Variants in PPP4R3A observed in about 807,000 individuals in gnomAD.
The protein encoded by PPP4R3A is serine/threonine-protein phosphatase 4 regulatory subunit 3A.
A neutral mutation model predicts 91.7 loss-of-function variants in PPP4R3A; 15 were observed. The observed-to-expected ratio is 0.16, with a 90% CI of 0.11 to 0.25. The LOEUF is 0.25. Among genes scored for constraint, PPP4R3A ranks in the 10% least tolerant of loss-of-function variants. PPP4R3A has a pLI of 1.00. For synonymous variants in PPP4R3A, 377 were observed against 348.7 expected (o/e 1.08, Z -0.91); for missense variants, 623 against 998.4 (o/e 0.62, Z 5.07).
intron 9 of PPP4R3A, 43 bp from the exon 10 acceptor site, chr14:91,471,038 A>G (rs113099096): frequency 2.1e-5 from 32 of 1,524,874 alleles, no homozygotes; most frequent in Admixed American, 7.3e-5. Context: ...AATGACTAAC[A>G]TTTTTCCTTC....
intron 14 of PPP4R3A, among the ~76,000 whole-genome samples, chr14:91,460,206 G>T (rs1888039788): frequency 6.6e-6 from 1 of 152,000 alleles, no homozygotes; most frequent in Admixed American, 6.5e-5. Flanking sequence ...TAGAGACGGG[G>T]TTTCACCGTA....
At chr14:91,490,657 C>A in intron 2 of PPP4R3A, 90 bp downstream of exon 2, 1 of 1,030,478 alleles carries the variant, frequency 9.7e-7, no homozygotes, top group Non-Finnish European at 1.5e-6. Context: ...GTAATCTCTT[C>A]TAAATTTTTC....
chr14:91,459,735 T>G (rs71428759), intron 14 of PPP4R3A, among the ~76,000 whole-genome samples: 2,727 of 151,696 alleles, frequency 0.018, 29 homozygotes, highest in Non-Finnish European at 0.025. Context: ...CTTGGGAGGC[T>G]GAGGCACAAG....
chr14:91,493,358 G>A lies in PPP4R3A; in HGVS notation c.143-2556C>T, dbSNP rs191469467. Among the ~76,000 whole-genome samples, 958 of 150,788 alleles carry A rather than the reference G, an allele frequency of 6.4e-3. 15 individuals are homozygous for A. Among genetic ancestry groups the A allele is most frequent in the Non-Finnish European group, 9.2e-3 (628 of 67,988 alleles). On this transcript the variant is annotated intron_variant, in intron 1 of 14. Coordinates refer to ENST00000554943, the MANE Select transcript of PPP4R3A (RefSeq NM_001366432.2). ...AAGAAAAAATAAATTAGCTGGATGA[G>A]GTAGGGCATGCCTATAATTCTAGCT...
At chr14:91,464,875 T>C (rs1251478671) in intron 11 of PPP4R3A, among the ~76,000 whole-genome samples, 1 of 152,168 alleles carries the variant, frequency 6.6e-6, no homozygotes, top group Non-Finnish European at 1.5e-5. Context: ...CAGGATGAAA[T>C]TGTTCCACCT....
intron 3 of PPP4R3A, among the ~76,000 whole-genome samples, chr14:91,482,962 C>T (rs774260187): frequency 5.3e-5 from 8 of 152,278 alleles, no homozygotes; most frequent in Admixed American, 2.6e-4. Flanking sequence ...AACCAAACCA[C>T]GAAAATATTT....
intron 4 of PPP4R3A, among the ~76,000 whole-genome samples, chr14:91,480,116 T>TA (rs1232856744): frequency 6.6e-6 from 1 of 152,020 alleles, no homozygotes; most frequent in Non-Finnish European, 1.5e-5. Context: ...GCAAATACCC[T>TA]AAAACACCAG....
At chr14:91,470,611 G>C (rs1888773942) in intron 10 of PPP4R3A, among the ~76,000 whole-genome samples, 1 of 152,102 alleles carries the variant, frequency 6.6e-6, no homozygotes. Flanking sequence ...TTTAGTAATG[G>C]AATATAACAC....
intron 7 of PPP4R3A, among the ~76,000 whole-genome samples, chr14:91,473,688 G>GC (rs1273554560): frequency 1.9e-4 from 29 of 152,224 alleles, no homozygotes; most frequent in African/African-American, 6.8e-4. Context: ...TTTGAAGAAA[G>GC]CCAGTGGGTT....
chr14:91,490,900 A>AT (rs36126220), intron 1 of PPP4R3A, 98 bp from the exon 2 acceptor site: 12,205 of 278,150 alleles, frequency 0.044, 15 homozygotes, highest in Middle Eastern at 0.068. Context: ...AATAATAATA[A>AT]TTTTTTTTTT....
At chr14:91,472,550 G>A (rs1019924187) in intron 9 of PPP4R3A, among the ~76,000 whole-genome samples, 1 of 147,576 alleles carries the variant, frequency 6.8e-6, no homozygotes, top group East Asian at 2.0e-4. Flanking sequence ...TGCAAGCTCC[G>A]CCTCCTGGGT....
chr14:91,483,064 C>G (rs900497427), intron 3 of PPP4R3A, among the ~76,000 whole-genome samples: 2 of 152,122 alleles, frequency 1.3e-5, no homozygotes, highest in Non-Finnish European at 2.9e-5. Flanking sequence ...ACTGGAGGGG[C>G]TCTTATTATA....
rs1303454689 is a variant in PPP4R3A at position 91,457,728 on chromosome 14, T to C, written c.*1031A>G. ...CCCCAAGAAAAGAAATTTCAGAATC[T>C]CTTTGGAATACTAATTTCATGTTTC... On this transcript the variant is annotated 3_prime_UTR_variant, in exon 15 of 15. Coordinates refer to ENST00000554943, the MANE Select transcript of PPP4R3A (RefSeq NM_001366432.2). 6.6e-6 allele frequency: 1 copy of C among 152,646 alleles called. No homozygotes were observed. Among genetic ancestry groups the C allele is most frequent in the Non-Finnish European group, 1.5e-5 (1 of 68,034 alleles). The allele number at this position is 152,646 out of a possible 1,614,324, so 9.5% of individuals were successfully genotyped here.
rs866823794 is a variant in PPP4R3A, at chr14:91,507,459, A to G, written c.142+2047T>C. On this transcript the variant is annotated intron_variant, in intron 1 of 14. Coordinates refer to ENST00000554943, the MANE Select transcript of PPP4R3A (RefSeq NM_001366432.2). ...ATTATATATACTATATAGTATATAT[A>G]CTATAATTATATATACTATAGTTAT... Among the ~76,000 whole-genome samples the G allele has an allele frequency of 1.1e-3, 142 of 135,092 alleles. 7 individuals are homozygous for G. Among genetic ancestry groups the G allele is most frequent in the South Asian group, 3.8e-3 (17 of 4,438 alleles). 88.6% of individuals were successfully genotyped at this position (135,092 alleles called of 152,430 possible).
At chr14:91,458,904 A>C in intron 14 of PPP4R3A, 35 bp from the exon 15 acceptor site, 1 of 1,546,846 alleles carries the variant, frequency 6.5e-7, no homozygotes, top group South Asian at 1.2e-5. Context: ...AAGAACAGAA[A>C]ATAAAACATA....
At chr14:91,476,338 A>G in intron 6 of PPP4R3A, 70 bp downstream of exon 6, 1 of 1,086,584 alleles carries the variant, frequency 9.2e-7, no homozygotes, top group Admixed American at 2.1e-5. Context: ...GAATATTTGC[A>G]TGTAGCATTA....
intron 9 of PPP4R3A, among the ~76,000 whole-genome samples, chr14:91,472,083 A>T (rs1001429297): frequency 6.6e-6 from 1 of 151,532 alleles, no homozygotes; most frequent in Non-Finnish European, 1.5e-5. Context: ...AAAAAAAAAA[A>T]AAAAATTCCA....
chr14:91,498,134 A>G (rs1176029590), intron 1 of PPP4R3A, among the ~76,000 whole-genome samples: 2 of 152,172 alleles, frequency 1.3e-5, no homozygotes, highest in African/African-American at 4.8e-5. Flanking sequence ...CAGGAATTCG[A>G]GATCAGCCTG....
Position 91,476,410 on chromosome 14 carries a change from G to A in PPP4R3A, c.1108C>T (p.Leu370Phe). 2 of 1,589,442 alleles carry A rather than the reference G, an allele frequency of 1.3e-6. No individual in the cohort carries two copies. Among genetic ancestry groups the A allele is most frequent in the Non-Finnish European group, 1.7e-6 (2 of 1,168,578 alleles). ...AAATGAGGAGACACAAAACTTACAAGGATGACTTCTAAAGCTGGTAATATG... is the reference window on the plus strand; with the variant it reads ...AAATGAGGAGACACAAAACTTACAAAGATGACTTCTAAAGCTGGTAATATG... Reference protein sequence around the residue: ...MGILPALEVILGMDDTQVRSA... With the variant: ...MGILPALEVIFGMDDTQVRSA... The change falls in exon 6 of 15, where the codon CTT (leucine) becomes TTT (phenylalanine). Residue 370 changes from leucine to phenylalanine, a missense_variant and splice_region_variant. Physicochemically the swap from Leu to Phe is conservative, Grantham distance 22 (BLOSUM62 0). This residue lies in a region of PPP4R3A where 264 missense variants were observed against 377.3 expected (regional missense o/e 0.70). Transcript: ENST00000554943.
Sources: allele counts gnomAD v4.1 joint callset (sites outside exome capture counted in the v4.1 genomes callset), GRCh38; gene constraint gnomAD v4.1.1; regional missense constraint gnomAD v4.1.1; transcripts MANE v1.5; gene names NCBI Gene and HGNC (gene_info 2026-07-23, HGNC 2026-07-21).